Variants in CPEB3 observed in about 807,000 individuals in gnomAD.
The protein encoded by CPEB3 is cytoplasmic polyadenylation element binding protein 3.
CPEB3 carries 20 observed loss-of-function variants against 67.2 expected under a neutral mutation model. The ratio of observed to expected loss-of-function variants is 0.30; its 90% CI spans 0.21 to 0.43. CPEB3 has a LOEUF of 0.43. CPEB3 is among the 20% of genes least tolerant of loss of function. The pLI is 1.00. For synonymous variants in CPEB3, 376 were observed against 393.1 expected (o/e 0.96, Z 0.51); for missense variants, 746 against 968.6 (o/e 0.77, Z 3.05).
chr10:92,054,495 C>T (rs1296145886), intron 9 of CPEB3, among the ~76,000 whole-genome samples: 1 of 151,960 alleles, frequency 6.6e-6, no homozygotes, highest in African/African-American at 2.4e-5. Context: ...GCAATCTCAG[C>T]TCACTGCAAC....
At chr10:92,123,289 C>A (rs565645477) in intron 6 of CPEB3, among the ~76,000 whole-genome samples, 20 of 152,248 alleles carry the variant, frequency 1.3e-4, no homozygotes, top group African/African-American at 4.6e-4. Flanking sequence ...CAAACAAGCA[C>A]CTGACCAAGG....
chr10:92,176,880 A>G (rs1057056788), intron 4 of CPEB3, among the ~76,000 whole-genome samples: 26 of 152,376 alleles, frequency 1.7e-4, no homozygotes, highest in South Asian at 4.1e-4. Flanking sequence ...CCCGCAAGCC[A>G]CATGTGGCCC....
intron 9 of CPEB3, among the ~76,000 whole-genome samples, chr10:92,077,538 C>G (rs1344271115): frequency 6.6e-6 from 1 of 152,112 alleles, no homozygotes; most frequent in East Asian, 1.9e-4. Flanking sequence ...AGGTAGATCA[C>G]TTAAGCCCAG....
chr10:92,284,785 G>A (rs1325607436), intron 1 of CPEB3, among the ~76,000 whole-genome samples: 1 of 152,086 alleles, frequency 6.6e-6, no homozygotes, highest in African/African-American at 2.4e-5. Flanking sequence ...GGTAAAAACT[G>A]TGCTTGTTTT....
chr10:92,110,282 G>C (rs1435337621), intron 7 of CPEB3, among the ~76,000 whole-genome samples: 1 of 152,138 alleles, frequency 6.6e-6, no homozygotes, highest in East Asian at 1.9e-4. Flanking sequence ...TGCCCACTCT[G>C]TGTCATATTT....
rs146046701 is a variant in CPEB3, at chr10:92,103,345, T to C, written c.1572+7731A>G. Among the ~76,000 whole-genome samples, 528 of 152,340 alleles carry C rather than the reference T, an allele frequency of 3.5e-3. 2 individuals carry two copies. The highest frequency in any genetic ancestry group is 0.016 in the South Asian group (75 of 4,822). On this transcript the variant is annotated intron_variant, in intron 7 of 9. Transcript: ENST00000265997. ...AAGAAAAAGCACTTTTGAGCACTTA[T>C]ATTGCACTACTGTGCTAGGCATTTT...
At chr10:92,204,077 G>C (rs1849664132) in intron 2 of CPEB3, among the ~76,000 whole-genome samples, 1 of 151,834 alleles carries the variant, frequency 6.6e-6, no homozygotes, top group Non-Finnish European at 1.5e-5. Context: ...GTGTTCTTCA[G>C]AGGCCCAGCT....
chr10:92,079,950 C>T (rs1022329114), intron 9 of CPEB3, among the ~76,000 whole-genome samples: 5 of 151,898 alleles, frequency 3.3e-5, no homozygotes, highest in African/African-American at 1.2e-4. Flanking sequence ...CCTGTAATCC[C>T]AGCACTTTGG....
intron 9 of CPEB3, among the ~76,000 whole-genome samples, chr10:92,069,990 A>G (rs568974449): frequency 6.6e-6 from 1 of 152,240 alleles, no homozygotes; most frequent in South Asian, 2.1e-4. Context: ...CCTGTCCGAA[A>G]CCCTCTGTAG....
chr10:92,122,336 T>C (rs892885862), intron 6 of CPEB3, among the ~76,000 whole-genome samples: 25 of 152,178 alleles, frequency 1.6e-4, no homozygotes, highest in African/African-American at 6.0e-4. Flanking sequence ...GTCAACTCAC[T>C]TGGACAACGG....
At chr10:92,289,916 GTA>G (rs1250088838) in intron 1 of CPEB3, among the ~76,000 whole-genome samples, 1 of 108,154 alleles carries the variant, frequency 9.2e-6, no homozygotes, top group African/African-American at 4.9e-5. Flanking sequence ...GAGTGTGTGT[GTA>G]TGTGTGTGGT....
intron 9 of CPEB3, among the ~76,000 whole-genome samples, chr10:92,063,921 T>G (rs1020082670): frequency 3.3e-5 from 5 of 151,788 alleles, no homozygotes; most frequent in Non-Finnish European, 4.4e-5. Context: ...TTAATAGGAA[T>G]AAATCTAAGG....
At chr10:92,142,994 A>T (rs1010551767) in intron 6 of CPEB3, 35 bp downstream of exon 6, 15 of 1,469,496 alleles carry the variant, frequency 1.0e-5, no homozygotes, top group Non-Finnish European at 1.4e-5. Context: ...TATCTCTCCA[A>T]CAGGCAAGCA....
chr10:92,253,646 G>C (rs1852401168), intron 1 of CPEB3, among the ~76,000 whole-genome samples: 3 of 151,832 alleles, frequency 2.0e-5, no homozygotes, highest in African/African-American at 7.2e-5. Context: ...GAGAGGCTGA[G>C]GTGGAATCAT....
At position 92,270,767 on chromosome 10, in the gene CPEB3, G is replaced by A. The variant is rs900267751; in HGVS notation, c.-12+20159C>T. ...TTTTTTTTTGTAGAGATGGGGTTTC[G>A]CCAGGTTGCCCAGGCTCATCTCAAA... On this transcript the variant is annotated intron_variant, in intron 1 of 9. Coordinates refer to ENST00000265997, the MANE Select transcript of CPEB3 (RefSeq NM_014912.5). Among the ~76,000 whole-genome samples, 8 of 151,394 alleles carry A rather than the reference G, an allele frequency of 5.3e-5. No individual in the cohort carries two copies. The South Asian group carries it at 1.0e-3, about 20-fold the overall frequency.
chr10:92,186,401 A>T (rs371045735), intron 3 of CPEB3, among the ~76,000 whole-genome samples: 1 of 150,662 alleles, frequency 6.6e-6, no homozygotes, highest in African/African-American at 2.5e-5. Flanking sequence ...AAATAATAAT[A>T]ATCATCATCA....
At chr10:92,238,062 C>G (rs1331646730) in intron 2 of CPEB3, among the ~76,000 whole-genome samples, 1 of 152,162 alleles carries the variant, frequency 6.6e-6, no homozygotes, top group East Asian at 1.9e-4. Flanking sequence ...AAGACTGCAT[C>G]TGCACCTGAC....
intron 8 of CPEB3, among the ~76,000 whole-genome samples, chr10:92,085,176 C>T (rs1376310575): frequency 6.6e-6 from 1 of 152,122 alleles, no homozygotes; most frequent in Non-Finnish European, 1.5e-5. Context: ...GCGAAGGAAT[C>T]CAGAGTTCAC....
intron 4 of CPEB3, among the ~76,000 whole-genome samples, chr10:92,166,969 T>G (rs1299402588): frequency 6.6e-6 from 1 of 152,244 alleles, no homozygotes. Context: ...TAGTTCTCCA[T>G]CAGTACTTGT....
Sources: gnomAD v4.1 joint callset for allele counts (sites outside exome capture counted in the v4.1 genomes callset) on GRCh38, gnomAD v4.1.1 for gene constraint, MANE v1.5 for transcripts, NCBI Gene and HGNC (gene_info 2026-07-23, HGNC 2026-07-21) for gene names.